Variants in CERS3 observed in about 807,000 individuals in gnomAD.
CERS3 encodes the protein LAG1 homolog, ceramide synthase 3.
A neutral mutation model predicts 50.3 loss-of-function variants in CERS3; 33 were observed. The observed-to-expected ratio is 0.66, with a 90% CI of 0.50 to 0.88. The LOEUF (loss-of-function observed/expected upper bound fraction) is 0.88, where lower values mean the gene tolerates loss of function less well. CERS3 is among the 40% of genes least tolerant of loss of function. CERS3 has a pLI of 0.00. For synonymous variants in CERS3, 176 were observed against 155.2 expected, an observed-to-expected ratio of 1.13 and a Z score of -0.99; for missense variants, 470 against 460.3, an observed-to-expected ratio of 1.02 and a Z score of -0.19.
At chr15:100,410,631 G>A (rs2031410084) in intron 11 of CERS3, among the ~76,000 whole-genome samples, 1 of 152,128 alleles carries the variant, frequency 6.6e-6, no homozygotes, top group African/African-American at 2.4e-5. Context: ...TCCAACTTCT[G>A]CTTCTCCTTT....
intron 11 of CERS3, among the ~76,000 whole-genome samples, chr15:100,405,439 G>A (rs2142043826): frequency 6.6e-6 from 1 of 152,172 alleles, no homozygotes; most frequent in South Asian, 2.1e-4. Context: ...AAAATGACTG[G>A]CAATACCAAG....
intron 11 of CERS3, chr15:100,425,882 G>C (rs1002383650): frequency 1.4e-5 from 2 of 145,394 alleles, no homozygotes; most frequent in African/African-American, 5.0e-5. Context: ...CTGGATCAAG[G>C]GGGTGGATTT....
chr15:100,421,553 T>C (rs536287006), intron 11 of CERS3, among the ~76,000 whole-genome samples: 2 of 150,478 alleles, frequency 1.3e-5, no homozygotes, highest in African/African-American at 4.9e-5. Context: ...AAGCTACCAA[T>C]GACTTTCTTC....
intron 3 of CERS3, among the ~76,000 whole-genome samples, chr15:100,501,280 G>A (rs942410626): frequency 3.3e-5 from 5 of 152,126 alleles, no homozygotes; most frequent in Non-Finnish European, 7.3e-5. Context: ...GGCACTTGAG[G>A]ATGCTAATGC....
chr15:100,507,617 G>T (rs955078037), intron 2 of CERS3, among the ~76,000 whole-genome samples: 1 of 152,236 alleles, frequency 6.6e-6, no homozygotes, highest in Non-Finnish European at 1.5e-5. Flanking sequence ...CATGCCACCA[G>T]CTCAGCATCC....
At chr15:100,420,884 C>A (rs1007063092) in intron 11 of CERS3, among the ~76,000 whole-genome samples, 1 of 150,490 alleles carries the variant, frequency 6.6e-6, no homozygotes, top group South Asian at 2.1e-4. Context: ...ATTCAACAAC[C>A]CTTCATGCTA....
upstream of CERS3, among the ~76,000 whole-genome samples, chr15:100,533,068 T>C (rs967634913): frequency 3.3e-5 from 5 of 152,116 alleles, no homozygotes; most frequent in East Asian, 3.9e-4. Context: ...GGGTTGAAAG[T>C]CTCTTTGCCG....
At chr15:100,483,144 T>C (rs1225806085) in intron 5 of CERS3, among the ~76,000 whole-genome samples, 1 of 152,238 alleles carries the variant, frequency 6.6e-6, no homozygotes, top group African/African-American at 2.4e-5. Flanking sequence ...CCAACCTATG[T>C]CTTCCCTTCT....
intron 11 of CERS3, among the ~76,000 whole-genome samples, chr15:100,451,835 A>T (rs973574568): frequency 1.3e-5 from 2 of 152,202 alleles, no homozygotes; most frequent in African/African-American, 4.8e-5. Flanking sequence ...CTATACTTAT[A>T]TCAGATACAG....
At chr15:100,468,705 A>G (rs1344560959) in intron 10 of CERS3, among the ~76,000 whole-genome samples, 2 of 152,188 alleles carry the variant, frequency 1.3e-5, no homozygotes, top group Admixed American at 6.5e-5. Flanking sequence ...GTTTCTGTCA[A>G]TCAACACATG....
At chr15:100,504,011 G>A (rs1393938) in intron 2 of CERS3, among the ~76,000 whole-genome samples, 1 of 151,980 alleles carries the variant, frequency 6.6e-6, no homozygotes, top group South Asian at 2.1e-4. Flanking sequence ...ATACAAGAGG[G>A]GAATACTGAA....
At chr15:100,484,014 A>T (rs1046872537) in intron 5 of CERS3, among the ~76,000 whole-genome samples, 2 of 151,616 alleles carry the variant, frequency 1.3e-5, no homozygotes, top group Non-Finnish European at 2.9e-5. Context: ...CTCTACTAAA[A>T]ATCCTGGGAA....
intron 3 of CERS3, among the ~76,000 whole-genome samples, chr15:100,498,404 A>G (rs1009597819): frequency 6.6e-6 from 1 of 152,210 alleles, no homozygotes; most frequent in African/African-American, 2.4e-5. Flanking sequence ...GAGATAAGGG[A>G]AATTGTAAGT....
chr15:100,414,095 G>A (rs1015076921), intron 11 of CERS3, among the ~76,000 whole-genome samples: 11 of 152,076 alleles, frequency 7.2e-5, no homozygotes, highest in Admixed American at 7.2e-4. Context: ...CTCATTCTAT[G>A]ATGTCAGCAT....
intron 1 of CERS3, among the ~76,000 whole-genome samples, chr15:100,538,553 A>C (rs1251597929): frequency 6.6e-6 from 1 of 152,238 alleles, no homozygotes; most frequent in Non-Finnish European, 1.5e-5. Context: ...CACCCTCTGA[A>C]GCAATGGCCT....
chr15:100,486,929 A>G (rs1217995964), intron 4 of CERS3, among the ~76,000 whole-genome samples: 1 of 152,230 alleles, frequency 6.6e-6, no homozygotes, highest in Non-Finnish European at 1.5e-5. Flanking sequence ...TGCCCAATGA[A>G]TTATTAATAA....
At chr15:100,542,068 A>G (rs1398733615) in intron 1 of CERS3, among the ~76,000 whole-genome samples, 1 of 152,240 alleles carries the variant, frequency 6.6e-6, no homozygotes, top group Non-Finnish European at 1.5e-5. Flanking sequence ...CCAATGAATC[A>G]ATCAAAATAG....
chr15:100,534,940 C>T (rs990135722), intron 1 of CERS3, among the ~76,000 whole-genome samples: 1 of 152,046 alleles, frequency 6.6e-6, no homozygotes, highest in Non-Finnish European at 1.5e-5. Context: ...AGTCCCCTCC[C>T]CACTTCAAAT....
At chr15:100,443,743 A>C (rs1200248204) in intron 11 of CERS3, among the ~76,000 whole-genome samples, 1 of 151,620 alleles carries the variant, frequency 6.6e-6, no homozygotes, top group African/African-American at 2.4e-5. Context: ...TCATAAAGAC[A>C]CACGTGCTCT....
Sources: allele counts gnomAD v4.1 joint callset (sites outside exome capture counted in the v4.1 genomes callset), GRCh38; gene constraint gnomAD v4.1.1; transcripts MANE v1.5; gene names NCBI Gene and HGNC (gene_info 2026-07-23, HGNC 2026-07-21).